NDFIP1: variants seen among roughly 807,000 people sequenced by gnomAD.
NDFIP1 encodes the protein Nedd4 family interacting protein 1, also known as NEDD4 family-interacting protein 1.
A neutral mutation model predicts 28.8 loss-of-function variants in NDFIP1; 7 were observed. The ratio of observed to expected loss-of-function variants is 0.24; its 90% CI spans 0.14 to 0.46. The LOEUF is 0.46. Among genes scored for constraint, NDFIP1 ranks in the 20% least tolerant of loss-of-function variants. NDFIP1 has a pLI of 0.99. For synonymous variants in NDFIP1, 92 were observed against 101.0 expected (o/e 0.91, Z 0.53); for missense variants, 194 against 269.1 (o/e 0.72, Z 1.95).
At chr5:142,129,743 G>A (rs1233263624) in intron 1 of NDFIP1, among the ~76,000 whole-genome samples, 10 of 151,410 alleles carry the variant, frequency 6.6e-5, no homozygotes, top group African/African-American at 2.4e-4. Context: ...CCTGGCCCAC[G>A]TCTACTAAAA....
chr5:142,120,592 A>G (rs1354099769), intron 1 of NDFIP1, among the ~76,000 whole-genome samples: 1 of 152,208 alleles, frequency 6.6e-6, no homozygotes, highest in African/African-American at 2.4e-5. Context: ...CAGGAGGAAT[A>G]AGAGGCAACT....
chr5:142,150,816 G>A (rs1211744058), intron 7 of NDFIP1, among the ~76,000 whole-genome samples: 2 of 152,096 alleles, frequency 1.3e-5, no homozygotes, highest in East Asian at 3.8e-4. Flanking sequence ...TAAGTTATAG[G>A]CCGATATTTG....
At chr5:142,143,878 T>G (rs1757360611) in intron 6 of NDFIP1, 1 of 152,022 alleles carries the variant, frequency 6.6e-6, no homozygotes, top group Non-Finnish European at 1.5e-5. Context: ...CCTGTTATCT[T>G]AGCTACTTGG....
At chr5:142,139,812 G>T (rs955418964) in intron 5 of NDFIP1, among the ~76,000 whole-genome samples, 1 of 152,130 alleles carries the variant, frequency 6.6e-6, no homozygotes, top group Admixed American at 6.5e-5. Context: ...GAGCCCAGGA[G>T]TTCAAATGCA....
chr5:142,109,402 A>G (rs1730559550), intron 1 of NDFIP1, among the ~76,000 whole-genome samples: 1 of 152,246 alleles, frequency 6.6e-6, no homozygotes, highest in African/African-American at 2.4e-5. Flanking sequence ...AAAGAAAGAA[A>G]GAAAAAAGCA....
rs1395172448 is a variant in NDFIP1 at position 142,137,858 on chromosome 5, G to A, written c.495G>A (p.Arg165=). The change falls in exon 5 of 8, where the codon AGG becomes AGA. Residue 165 remains arginine, a splice_region_variant and synonymous_variant. Transcript: ENST00000253814. ...TAATTAAATGGATCCTGATTGTCAG[G>A]GTAAGTTGTATAACAGAAAAGATGG... is the stretch of plus-strand genomic sequence containing the variant. ...LSLIKWILIV[R]FSTYFPGYFD... 6 of 1,613,528 alleles carry A rather than the reference G, an allele frequency of 3.7e-6. No individual in the cohort carries two copies. Among genetic ancestry groups the A allele is most frequent in the Non-Finnish European group, 3.4e-6 (4 of 1,179,664 alleles).
intron 7 of NDFIP1, among the ~76,000 whole-genome samples, chr5:142,145,240 A>G (rs1421899360): frequency 6.6e-6 from 1 of 152,232 alleles, no homozygotes; most frequent in Non-Finnish European, 1.5e-5. Context: ...GTCAAACTCA[A>G]GAAAAGAGGA....
At position 142,152,366 on chromosome 5, in the gene NDFIP1, A is replaced by C. The variant is rs1476928492; in HGVS notation, c.*638A>C. On this transcript the variant is annotated 3_prime_UTR_variant, in exon 8 of 8. Coordinates refer to ENST00000253814, the MANE Select transcript of NDFIP1 (RefSeq NM_030571.4). Reference sequence around the variant, plus strand: ...TGTATTCACAATTCTGCGGTACCTTATTGTACCTAAGGGATTCTAAAGGTG... The same window carrying C: ...TGTATTCACAATTCTGCGGTACCTTCTTGTACCTAAGGGATTCTAAAGGTG... 3 of 152,312 alleles carry C rather than the reference A, an allele frequency of 2.0e-5. No homozygotes were observed. Among genetic ancestry groups the C allele is most frequent in the African/African-American group, 7.2e-5 (3 of 41,432 alleles). 9.4% of individuals were successfully genotyped at this position (152,312 alleles called of 1,614,324 possible).
At chr5:142,122,571 G>A (rs1163331734) in intron 1 of NDFIP1, among the ~76,000 whole-genome samples, 1 of 152,090 alleles carries the variant, frequency 6.6e-6, no homozygotes, top group Non-Finnish European at 1.5e-5. Flanking sequence ...TTAGCAAACA[G>A]TTTTCTAAAG....
At chr5:142,112,681 C>T (rs947656305) in intron 1 of NDFIP1, among the ~76,000 whole-genome samples, 2 of 150,098 alleles carry the variant, frequency 1.3e-5, no homozygotes, top group African/African-American at 4.9e-5. Flanking sequence ...GTAGTCCCAG[C>T]TACTCGGGAG....
intron 4 of NDFIP1, among the ~76,000 whole-genome samples, chr5:142,136,918 GCCGT>G (rs1757281851): frequency 5.6e-5 from 1 of 17,898 alleles, no homozygotes; most frequent in African/African-American, 4.2e-4. Flanking sequence ...ACAAAAATTA[GCCGT>G]TAGCCGGGCC....
intron 2 of NDFIP1, 144 bp downstream of exon 2, chr5:142,132,039 A>G: frequency 9.6e-7 from 1 of 1,045,040 alleles, no homozygotes; most frequent in Non-Finnish European, 1.4e-6. Context: ...AGAAGTGGAT[A>G]CATTTAAAAA....
rs749835120 is a variant in NDFIP1 at position 142,131,888 on chromosome 5, G to C, written c.144G>C (p.Glu48Asp). The C allele has an allele frequency of 6.3e-7, 1 of 1,598,934 alleles. No individual in the cohort carries two copies. The highest frequency in any genetic ancestry group is 1.1e-5 in the South Asian group (1 of 87,506). ...APPPYSSISA[E>D]SAAYFDYKDE... Reference sequence around the variant, plus strand: ...CACCTTACAGCAGCATTTCTGCAGAGAGCGCAGGTAGGTAACAGGGCAAGG... The same window carrying C: ...CACCTTACAGCAGCATTTCTGCAGACAGCGCAGGTAGGTAACAGGGCAAGG... Residue 48 changes from glutamate to aspartate, a missense_variant, in exon 2 of 8, where the codon GAG becomes GAC. Glu to Asp is a conservative substitution (Grantham distance 45). Transcript: ENST00000253814.
At chr5:142,136,442 A>G (rs190675299) in intron 4 of NDFIP1, among the ~76,000 whole-genome samples, 11 of 152,294 alleles carry the variant, frequency 7.2e-5, no homozygotes, top group African/African-American at 2.4e-4. Context: ...GACTATATAT[A>G]TATAACACAC....
At position 142,144,695 on chromosome 5, in the gene NDFIP1, A is replaced by G. The variant is rs369351019; in HGVS notation, c.*2+19A>G. 4.1e-6 allele frequency: 6 copies of G among 1,463,278 alleles called. No homozygotes were observed. The African/African-American group carries it at 8.4e-5, about 21-fold the overall frequency. 90.6% of individuals were successfully genotyped at this position (1,463,278 alleles called of 1,614,324 possible). The stretch of plus-strand genomic sequence containing the variant: ...ATTAAAGGTATTAAAGAAAAAATTT[A>G]TTCTAGTCCCAGTGTAACCATGTGC... On this transcript the variant is annotated intron_variant, in intron 7 of 7. Transcript: ENST00000253814.
intron 1 of NDFIP1, among the ~76,000 whole-genome samples, chr5:142,117,950 C>T (rs77048091): frequency 0.035 from 5,350 of 152,106 alleles, 142 homozygotes; most frequent in Non-Finnish European, 0.05. Context: ...CCCAGGCTGG[C>T]GTCAAACTCC....
intron 7 of NDFIP1, among the ~76,000 whole-genome samples, chr5:142,147,586 C>G (rs1188030701): frequency 6.6e-6 from 1 of 152,168 alleles, no homozygotes; most frequent in Non-Finnish European, 1.5e-5. Context: ...CCAGTTATTT[C>G]TTTGTTGCAG....
chr5:142,127,323 A>C (rs556287542), intron 1 of NDFIP1, among the ~76,000 whole-genome samples: 2 of 152,268 alleles, frequency 1.3e-5, no homozygotes, highest in African/African-American at 4.8e-5. Flanking sequence ...CCTTAGTAGC[A>C]CCTATTTGTA....
intron 1 of NDFIP1, among the ~76,000 whole-genome samples, chr5:142,114,091 T>TA (rs1757041129): frequency 6.6e-6 from 1 of 152,346 alleles, no homozygotes; most frequent in East Asian, 1.9e-4. Flanking sequence ...TGCTGGGTCA[T>TA]ACGGCAATTC....
Sources: gnomAD v4.1 joint callset for allele counts (sites outside exome capture counted in the v4.1 genomes callset) on GRCh38, gnomAD v4.1.1 for gene constraint, MANE v1.5 for transcripts, NCBI Gene and HGNC (gene_info 2026-07-23, HGNC 2026-07-21) for gene names.